TUT4: variants seen among roughly 807,000 people sequenced by gnomAD.
TUT4 encodes terminal uridylyltransferase 4.
A neutral mutation model predicts 192.2 loss-of-function variants in TUT4; 36 were observed. The observed-to-expected ratio is 0.19, with a 90% CI of 0.14 to 0.25. TUT4 has a LOEUF of 0.25. Among genes scored for constraint, TUT4 ranks in the 10% least tolerant of loss-of-function variants. The probability of loss-of-function intolerance (pLI) is 1.00; values close to 1 mark genes in which losing one functional copy is unlikely to be tolerated. For missense variants in TUT4, 1,493 were observed against 1,957.2 expected (o/e 0.76, Z 4.47); for synonymous variants, 618 against 666.0 (o/e 0.93, Z 1.11).
chr1:52,498,849 T>C (rs1673183446), intron 4 of TUT4, among the ~76,000 whole-genome samples: 1 of 131,260 alleles, frequency 7.6e-6, no homozygotes, highest in Admixed American at 8.6e-5. Flanking sequence ...ATCGCACCAC[T>C]GCACTCCAGC....
chr1:52,512,592 C>T (rs1327861454), intron 3 of TUT4, among the ~76,000 whole-genome samples: 1 of 152,192 alleles, frequency 6.6e-6, no homozygotes, highest in East Asian at 1.9e-4. Flanking sequence ...CTGCTCTCAT[C>T]ATCATAAACT....
chr1:52,461,445 CAT>C (rs2148695286), intron 18 of TUT4, 66 bp downstream of exon 18: 1 of 1,441,166 alleles, frequency 6.9e-7, no homozygotes, highest in South Asian at 1.2e-5. Context: ...AAGTTTTAAA[CAT>C]AGAGTCAGTA....
intron 19 of TUT4, among the ~76,000 whole-genome samples, chr1:52,460,752 G>C (rs746973657): frequency 3.3e-5 from 5 of 152,158 alleles, no homozygotes; most frequent in Admixed American, 6.5e-5. Context: ...TAGGAGAAGC[G>C]TAAGGTATTA....
chr1:52,451,254 A>AG (rs1162406984), intron 20 of TUT4, among the ~76,000 whole-genome samples: 1 of 151,348 alleles, frequency 6.6e-6, no homozygotes, highest in Non-Finnish European at 1.5e-5. Flanking sequence ...TGACAGAGCG[A>AG]GACTCTGTCT....
intron 9 of TUT4, among the ~76,000 whole-genome samples, chr1:52,483,338 T>C (rs1423553523): frequency 6.6e-6 from 1 of 152,210 alleles, no homozygotes; most frequent in African/African-American, 2.4e-5. Context: ...ACGTCTGATA[T>C]ATGCATTTGA....
chr1:52,438,388 C>G, intron 24 of TUT4, 53 bp from the exon 25 acceptor site: 1 of 1,301,360 alleles, frequency 7.7e-7, no homozygotes, highest in African/African-American at 1.5e-5. Context: ...ACTTTTGAAT[C>G]CAAATGGAAA....
chr1:52,493,730 A>AGTTTTC, intron 6 of TUT4, 68 bp from the exon 7 acceptor site: 2 of 940,152 alleles, frequency 2.1e-6, no homozygotes, highest in Non-Finnish European at 3.3e-6. Flanking sequence ...ATTAAGGAAA[A>AGTTTTC]CTCAATTTCA....
chr1:52,507,092 T>C (rs1675805408), intron 4 of TUT4, among the ~76,000 whole-genome samples: 1 of 152,200 alleles, frequency 6.6e-6, no homozygotes, highest in Non-Finnish European at 1.5e-5. Context: ...GGCTTTCCAG[T>C]CTGGATAGGA....
At chr1:52,538,664 G>GAAAAAAAAAAAAA (rs1685639297) in intron 1 of TUT4, 1 of 100,052 alleles carries the variant, frequency 1.0e-5, no homozygotes. Flanking sequence ...AAAAAGAAAA[G>GAAAAAAAAAAAAA]AAAAGAAAAA....
At chr1:52,443,721 C>T (rs1040145856) in intron 24 of TUT4, among the ~76,000 whole-genome samples, 6 of 151,878 alleles carry the variant, frequency 4.0e-5, no homozygotes, top group Admixed American at 2.6e-4. Flanking sequence ...TATGATTGCA[C>T]GACTGCACTC....
At position 52,495,484 on chromosome 1, in the gene TUT4, C is replaced by G. The variant is rs1672223087; in HGVS notation, c.1209G>C (p.Leu403=). ...CACTACTTTTCAGAGCAAATCTAGTCAGAGATGAGCCATACAACCTAAGTG... is the reference window on the plus strand; with the variant it reads ...CACTACTTTTCAGAGCAAATCTAGTGAGAGATGAGCCATACAACCTAAGTG... ...ECSLRLYGSS[L]TRFALKSSDV... Residue 403 remains leucine (L), a synonymous_variant, in exon 6 of 30, where the codon CTG becomes CTC. Coordinates refer to ENST00000257177, the MANE Select transcript of TUT4 (RefSeq NM_001009881.3). 1 of 1,610,480 alleles carries G rather than the reference C, an allele frequency of 6.2e-7. No individual in the cohort carries two copies. Among genetic ancestry groups the G allele is most frequent in the Non-Finnish European group, 8.5e-7 (1 of 1,178,036 alleles).
At chr1:52,441,995 C>T (rs1219316755) in intron 24 of TUT4, among the ~76,000 whole-genome samples, 2 of 151,888 alleles carry the variant, frequency 1.3e-5, no homozygotes, top group African/African-American at 4.8e-5. Context: ...TGGTGAAACC[C>T]TGTCTCTACT....
intron 4 of TUT4, among the ~76,000 whole-genome samples, chr1:52,509,243 G>A (rs922068182): frequency 6.6e-6 from 1 of 152,134 alleles, no homozygotes; most frequent in African/African-American, 2.4e-5. Flanking sequence ...TTTATTCAAC[G>A]CATGCCCTCA....
At chr1:52,429,287 G>A (rs1051808396) in intron 28 of TUT4, among the ~76,000 whole-genome samples, 3 of 151,364 alleles carry the variant, frequency 2.0e-5, no homozygotes, top group East Asian at 2.0e-4. Flanking sequence ...GGGTTTCACC[G>A]TGTTAGCCAG....
At chr1:52,493,261 T>A (rs1671641407) in intron 7 of TUT4, among the ~76,000 whole-genome samples, 2 of 152,144 alleles carry the variant, frequency 1.3e-5, no homozygotes, top group African/African-American at 4.8e-5. Flanking sequence ...TTTTGTGTTT[T>A]TAGTAGAGAC....
At chr1:52,427,515 G>A (rs1396967155) in intron 28 of TUT4, among the ~76,000 whole-genome samples, 1 of 152,142 alleles carries the variant, frequency 6.6e-6, no homozygotes, top group Admixed American at 6.6e-5. Flanking sequence ...CAAAACACTG[G>A]GTCTGTCTTC....
chr1:52,456,706 C>T (rs1238538042), intron 20 of TUT4, among the ~76,000 whole-genome samples: 2 of 151,926 alleles, frequency 1.3e-5, no homozygotes, highest in South Asian at 4.2e-4. Context: ...GATGACTAGG[C>T]AAAGTACAAA....
intron 1 of TUT4, among the ~76,000 whole-genome samples, chr1:52,534,696 A>C (rs2149561840): frequency 6.6e-6 from 1 of 151,726 alleles, no homozygotes; most frequent in South Asian, 2.1e-4. Context: ...CTACAAAAAA[A>C]AAAAAAACAA....
At chr1:52,465,553 C>G (rs1332725509) in intron 15 of TUT4, among the ~76,000 whole-genome samples, 3 of 152,210 alleles carry the variant, frequency 2.0e-5, no homozygotes, top group Non-Finnish European at 4.4e-5. Flanking sequence ...TGTCCACATC[C>G]AAACAATCAT....
Sources: gnomAD v4.1 joint callset for allele counts (sites outside exome capture counted in the v4.1 genomes callset) on GRCh38, gnomAD v4.1.1 for gene constraint, MANE v1.5 for transcripts, NCBI Gene and HGNC (gene_info 2026-07-23, HGNC 2026-07-21) for gene names.